Variants in LRP1B observed in about 807,000 individuals in gnomAD.
LRP1B encodes LDL receptor related protein 1B.
LRP1B carries 217 observed loss-of-function variants against 556.6 expected under a neutral mutation model. The observed-to-expected ratio is 0.39, with a 90% CI of 0.35 to 0.44. The LOEUF (loss-of-function observed/expected upper bound fraction) is 0.44. Among genes scored for constraint, LRP1B ranks in the 20% least tolerant of loss-of-function variants. The probability of loss-of-function intolerance (pLI) is 1.00; values close to 1 mark genes in which losing one functional copy is unlikely to be tolerated. For missense variants in LRP1B, 5,053 were observed against 5,620.8 expected, an observed-to-expected ratio of 0.90 and a Z score of 3.23; for synonymous variants, 2,047 against 1,865.8, an observed-to-expected ratio of 1.10 and a Z score of -2.50.
At position 141,942,227 on chromosome 2, in the gene LRP1B, A is replaced by C. The variant is rs141492532; in HGVS notation, c.83-131826T>G. 7.6e-4 allele frequency among the ~76,000 whole-genome samples: 115 copies of C among 152,198 alleles called. 1 individual carries two copies. The highest frequency in any genetic ancestry group is 2.7e-3 in the African/African-American group (113 of 41,526). On this transcript the variant is annotated intron_variant, in intron 1 of 90. Coordinates refer to ENST00000389484, the MANE Select transcript of LRP1B (RefSeq NM_018557.3). ...CCGCCCTCGCCCCGCCCTCCACCAC[A>C]CATCTTTTCTCTTTTTAAAGAAGAT...
intron 1 of LRP1B, among the ~76,000 whole-genome samples, chr2:142,099,160 T>C (rs1706483105): frequency 6.6e-6 from 1 of 151,892 alleles, no homozygotes; most frequent in Non-Finnish European, 1.5e-5. Context: ...TTCACATCTG[T>C]AATGCTGGGA....
intron 3 of LRP1B, among the ~76,000 whole-genome samples, chr2:141,260,616 A>T (rs1233874376): frequency 6.6e-6 from 1 of 152,226 alleles, no homozygotes; most frequent in South Asian, 2.1e-4. Context: ...GTGTATAGCT[A>T]TCGGATCAAC....
At chr2:141,042,403 T>C (rs1698728853) in intron 11 of LRP1B, among the ~76,000 whole-genome samples, 1 of 152,078 alleles carries the variant, frequency 6.6e-6, no homozygotes, top group Non-Finnish European at 1.5e-5. Flanking sequence ...CAGATCAGGA[T>C]CCTGAAACAA....
At chr2:141,707,796 A>G (rs372896090) in intron 2 of LRP1B, among the ~76,000 whole-genome samples, 71 of 152,284 alleles carry the variant, frequency 4.7e-4, no homozygotes, top group African/African-American at 1.6e-3. Flanking sequence ...GGTGTAAAAC[A>G]CCGTGGGAGC....
chr2:141,749,282 TA>T (rs1694022676), intron 2 of LRP1B, among the ~76,000 whole-genome samples: 1 of 152,152 alleles, frequency 6.6e-6, no homozygotes, highest in South Asian at 2.1e-4. Flanking sequence ...AAGTGTGTAA[TA>T]ATTTACTAAG....
chr2:140,849,316 G>C (rs1021273387), intron 29 of LRP1B, among the ~76,000 whole-genome samples: 3 of 149,660 alleles, frequency 2.0e-5, no homozygotes, highest in Admixed American at 6.7e-5. Context: ...AGGTTGCAGT[G>C]AGCCGAGATC....
chr2:141,991,794 T>A (rs1490437758), intron 1 of LRP1B, among the ~76,000 whole-genome samples: 1 of 152,084 alleles, frequency 6.6e-6, no homozygotes, highest in East Asian at 1.9e-4. Flanking sequence ...ATGTACATGT[T>A]AGTCATTCAA....
intron 12 of LRP1B, among the ~76,000 whole-genome samples, chr2:141,017,612 T>A (rs565957476): frequency 9.2e-5 from 14 of 151,892 alleles, no homozygotes; most frequent in Admixed American, 3.3e-4. Context: ...AGAAAGTTAT[T>A]TTTCTAAGTA....
intron 4 of LRP1B, among the ~76,000 whole-genome samples, chr2:141,251,576 G>C (rs1684262302): frequency 6.6e-6 from 1 of 152,058 alleles, no homozygotes; most frequent in South Asian, 2.1e-4. Flanking sequence ...AGTGCTTAAA[G>C]GTATATAAGA....
At chr2:141,047,039 A>ACCGCT (rs1413335344) in intron 11 of LRP1B, among the ~76,000 whole-genome samples, 10 of 107,542 alleles carry the variant, frequency 9.3e-5, no homozygotes, top group Admixed American at 2.0e-4. Flanking sequence ...CCAAGATTGC[A>ACCGCT]GCACTGCACA....
chr2:141,654,826 TA>T (rs1319245385), intron 2 of LRP1B, among the ~76,000 whole-genome samples: 2 of 152,170 alleles, frequency 1.3e-5, no homozygotes, highest in Admixed American at 6.5e-5. Flanking sequence ...TGTTCCCATC[TA>T]CACACAGCCA....
intron 66 of LRP1B, among the ~76,000 whole-genome samples, chr2:140,400,567 T>C (rs180939323): frequency 7.9e-5 from 12 of 152,316 alleles, no homozygotes; most frequent in Non-Finnish European, 5.9e-5. Context: ...TGAGACAAGA[T>C]TTATGCAATC....
chr2:141,689,163 A>G (rs1380228486), intron 2 of LRP1B, among the ~76,000 whole-genome samples: 1 of 151,880 alleles, frequency 6.6e-6, no homozygotes, highest in African/African-American at 2.4e-5. Flanking sequence ...TTGAAGTCAT[A>G]TTAGCATGTC....
At chr2:140,654,434 T>C (rs1684803426) in intron 41 of LRP1B, among the ~76,000 whole-genome samples, 1 of 152,186 alleles carries the variant, frequency 6.6e-6, no homozygotes, top group Non-Finnish European at 1.5e-5. Context: ...GGAAAAGGCA[T>C]TGTTCTTTAT....
At chr2:142,066,409 C>T (rs1408878868) in intron 1 of LRP1B, among the ~76,000 whole-genome samples, 2 of 151,486 alleles carry the variant, frequency 1.3e-5, no homozygotes, top group East Asian at 1.9e-4. Flanking sequence ...CCAAGTTCAT[C>T]GCTTATAAGT....
chr2:140,545,050 T>C (rs1322906337), intron 43 of LRP1B, among the ~76,000 whole-genome samples: 2 of 152,192 alleles, frequency 1.3e-5, no homozygotes, highest in African/African-American at 4.8e-5. Context: ...TGATCAGTCA[T>C]GTTGAGCTTT....
intron 41 of LRP1B, among the ~76,000 whole-genome samples, chr2:140,685,163 A>G (rs1255838518): frequency 6.6e-6 from 1 of 152,174 alleles, no homozygotes; most frequent in Non-Finnish European, 1.5e-5. Context: ...CATTCACAGT[A>G]TTTGAAAGTT....
chr2:140,963,008 C>A (rs1433164637), intron 18 of LRP1B, among the ~76,000 whole-genome samples: 1 of 152,078 alleles, frequency 6.6e-6, no homozygotes, highest in Non-Finnish European at 1.5e-5. Context: ...TTAGACCTTA[C>A]ATATGCTGTA....
intron 2 of LRP1B, among the ~76,000 whole-genome samples, chr2:141,501,881 G>A (rs897791399): frequency 1.3e-5 from 2 of 151,292 alleles, no homozygotes; most frequent in Non-Finnish European, 2.9e-5. Context: ...TTCTCTAACA[G>A]TATGACTGAG....
Sources: allele counts gnomAD v4.1 joint callset (sites outside exome capture counted in the v4.1 genomes callset), GRCh38; gene constraint gnomAD v4.1.1; transcripts MANE v1.5; gene names NCBI Gene and HGNC (gene_info 2026-07-23, HGNC 2026-07-21).